TMEM207: variants seen among roughly 807,000 people sequenced by gnomAD.
TMEM207 encodes SRSR846.
TMEM207 carries 15 observed loss-of-function variants against 17.4 expected under a neutral mutation model. The ratio of observed to expected loss-of-function variants is 0.86; its 90% CI spans 0.58 to 1.33. The LOEUF is 1.33. Among genes scored for constraint, TMEM207 ranks in the 40% most tolerant of loss-of-function variants. TMEM207 has a pLI of 0.00. For missense variants in TMEM207, 205 were observed against 173.8 expected, an observed-to-expected ratio of 1.18 and a Z score of -1.01; for synonymous variants, 70 against 65.6, an observed-to-expected ratio of 1.07 and a Z score of -0.33.
intron 3 of TMEM207, 101 bp from the exon 4 acceptor site, chr3:190,440,490 G>T: frequency 9.4e-7 from 1 of 1,069,120 alleles, no homozygotes; most frequent in Non-Finnish European, 1.3e-6. Flanking sequence ...CAGCTAGACT[G>T]GCCGCAAGCA....
chr3:190,429,262 G>A lies in TMEM207; in HGVS notation c.*333C>T. 4.7e-6 allele frequency: 1 copy of A among 211,034 alleles called. No homozygotes were observed. Among genetic ancestry groups the A allele is most frequent in the Non-Finnish European group, 9.6e-6 (1 of 104,276 alleles). 13.1% of individuals were successfully genotyped at this position (211,034 alleles called of 1,614,324 possible). On this transcript the variant is annotated 3_prime_UTR_variant, in exon 5 of 5. Coordinates refer to ENST00000354905, the MANE Select transcript of TMEM207 (RefSeq NM_207316.3). The stretch of plus-strand genomic sequence containing the variant: ...AAGAGTTTAAAGCAGAAAATGGTGT[G>A]CTGTATACTGCAGTGGAGTCCTAAA...
intron 4 of TMEM207, 62 bp from the exon 5 acceptor site, chr3:190,429,793 A>G (rs1228089636): frequency 4.8e-6 from 7 of 1,473,638 alleles, no homozygotes; most frequent in Non-Finnish European, 6.3e-6. Flanking sequence ...AAGTACATGA[A>G]CTGCCCGATA....
chr3:190,447,353 G>A (rs1486677564), intron 2 of TMEM207, among the ~76,000 whole-genome samples: 1 of 152,136 alleles, frequency 6.6e-6, no homozygotes, highest in Non-Finnish European at 1.5e-5. Flanking sequence ...CATATCACAA[G>A]CACTTTGAAA....
chr3:190,446,804 A>C (rs1720060673), intron 2 of TMEM207, among the ~76,000 whole-genome samples: 1 of 152,196 alleles, frequency 6.6e-6, no homozygotes, highest in Admixed American at 6.5e-5. Flanking sequence ...TTATTTTGTT[A>C]GTCTGGGTCA....
Position 190,429,597 on chromosome 3 carries a change from A to C in TMEM207, c.439T>G (p.Ter147GlyextTer2). The change falls in exon 5 of 5, where the codon TGA becomes GGA. Residue 147 changes from the stop codon to glycine, a stop_lost. Coordinates refer to ENST00000354905, the MANE Select transcript of TMEM207 (RefSeq NM_207316.3). ...AAATTGATAATCCACACCTAAAATCAGGTTGTTTTTACAATTTCTTCATAT... is the reference window on the plus strand; with the variant it reads ...AAATTGATAATCCACACCTAAAATCCGGTTGTTTTTACAATTTCTTCATAT... ...PPYEEIVKTT[*>G] 6.2e-7 allele frequency: 1 copy of C among 1,613,340 alleles called. No homozygotes were observed. The highest frequency in any genetic ancestry group is 8.5e-7 in the Non-Finnish European group (1 of 1,179,522).
In TMEM207 at chr3:190,440,383, G is replaced by A. The variant is rs761267050; in HGVS notation, c.165C>T (p.Leu55=). The A allele has an allele frequency of 3.1e-6, 5 of 1,609,976 alleles. No homozygotes were observed. In the Admixed American group the frequency reaches 5.1e-5, roughly 16 times the overall value. The change falls in exon 4 of 5, where the codon CTC becomes CTT. Residue 55 remains leucine, a synonymous_variant. Transcript: ENST00000354905. ...GAGCTGCCACCAAAACCAGCAGCAG[G>A]AGGATCCTGACTCCAAAAGTAACCG... ...QHPNGWYIWI[L]LLLVLVAALL...
chr3:190,442,886 C>T (rs1037876525), intron 2 of TMEM207, among the ~76,000 whole-genome samples: 2 of 152,128 alleles, frequency 1.3e-5, no homozygotes, highest in Non-Finnish European at 2.9e-5. Flanking sequence ...TTATTTTCTA[C>T]AAGTACAATG....
intron 1 of TMEM207, among the ~76,000 whole-genome samples, chr3:190,448,065 A>G (rs1057236625): frequency 6.6e-6 from 1 of 152,300 alleles, no homozygotes. Context: ...ATTTCTACAT[A>G]CCAATATAAA....
In TMEM207 at chr3:190,444,790, A is replaced by C. The variant is rs376680550; in HGVS notation, c.113+3000T>G. ...AGCTATGAGGCCTCATAAAGAGAAC[A>C]CTGTTAACATAAGAACAATGTTTTC... is the stretch of plus-strand genomic sequence containing the variant. On this transcript the variant is annotated intron_variant, in intron 2 of 4. Transcript: ENST00000354905. Among the ~76,000 whole-genome samples, 30 of 152,294 alleles carry C rather than the reference A, an allele frequency of 2.0e-4. No homozygotes were observed. In the East Asian group the frequency reaches 3.9e-3, roughly 20 times the overall value.
chr3:190,430,621 T>C (rs1219030661), intron 4 of TMEM207, among the ~76,000 whole-genome samples: 1 of 152,030 alleles, frequency 6.6e-6, no homozygotes, highest in Non-Finnish European at 1.5e-5. Context: ...GCCAAAACAA[T>C]AGCAACCATC....
intron 3 of TMEM207, among the ~76,000 whole-genome samples, chr3:190,441,018 G>A (rs375657136): frequency 1.3e-3 from 202 of 152,150 alleles, no homozygotes; most frequent in African/African-American, 4.6e-3. Context: ...GCATTGAGCC[G>A]AGATGGCGCC....
At position 190,449,497 on chromosome 3, in the gene TMEM207, C is replaced by T. The variant is rs549774834; in HGVS notation, c.75+238G>A. Among the ~76,000 whole-genome samples, 11 of 152,296 alleles carry T rather than the reference C, an allele frequency of 7.2e-5. No individual in the cohort carries two copies. In the East Asian group the frequency reaches 7.7e-4, roughly 11 times the overall value. The stretch of plus-strand genomic sequence containing the variant: ...TAAACAAAGGTTAAATTTGCAATCA[C>T]GTTATTTCAGTAGCAATAGAACTAA... On this transcript the variant is annotated intron_variant, in intron 1 of 4. Transcript: ENST00000354905.
chr3:190,438,751 G>C (rs888479097), intron 4 of TMEM207, among the ~76,000 whole-genome samples: 1 of 152,148 alleles, frequency 6.6e-6, no homozygotes, highest in Non-Finnish European at 1.5e-5. Flanking sequence ...AAGAAAAATA[G>C]TCCAATGTTA....
At chr3:190,443,581 A>C (rs1719981812) in intron 2 of TMEM207, among the ~76,000 whole-genome samples, 1 of 151,896 alleles carries the variant, frequency 6.6e-6, no homozygotes, top group African/African-American at 2.4e-5. Context: ...TAAGGTGGAG[A>C]GAGGAAGAGG....
intron 3 of TMEM207, 150 bp downstream of exon 3, chr3:190,441,288 A>G: frequency 1.6e-6 from 1 of 620,442 alleles, no homozygotes; most frequent in Non-Finnish European, 2.8e-6. Context: ...AACATTGGCC[A>G]ACGATCTGAA....
intron 2 of TMEM207, among the ~76,000 whole-genome samples, chr3:190,444,255 C>T (rs901855742): frequency 1.3e-5 from 2 of 152,140 alleles, no homozygotes; most frequent in African/African-American, 2.4e-5. Context: ...TATTATAATT[C>T]TCCTTTTACA....
chr3:190,431,455 C>T (rs1407257559), intron 4 of TMEM207, among the ~76,000 whole-genome samples: 1 of 151,774 alleles, frequency 6.6e-6, no homozygotes, highest in Non-Finnish European at 1.5e-5. Context: ...ATGATTTAAA[C>T]ATTATTATTA....
At chr3:190,429,883 T>C (rs1719653581) in intron 4 of TMEM207, 152 bp from the exon 5 acceptor site, 1 of 984,410 alleles carries the variant, frequency 1.0e-6, no homozygotes, top group African/African-American at 1.7e-5. Context: ...TATCTTGCTC[T>C]TTGCAGTGAA....
chr3:190,448,226 G>A (rs1455438306), intron 1 of TMEM207, among the ~76,000 whole-genome samples: 1 of 151,884 alleles, frequency 6.6e-6, no homozygotes, highest in Non-Finnish European at 1.5e-5. Context: ...AAAAAAACAA[G>A]TTCCAAGTAC....
Sources: allele counts gnomAD v4.1 joint callset (sites outside exome capture counted in the v4.1 genomes callset), GRCh38; gene constraint gnomAD v4.1.1; transcripts MANE v1.5; gene names NCBI Gene and HGNC (gene_info 2026-07-23, HGNC 2026-07-21).